The following NUP214 variants were observed in gnomAD, a reference collection of about 807,000 sequenced individuals.
NUP214 encodes nuclear pore complex protein Nup214.
NUP214 carries 79 observed loss-of-function variants against 196.2 expected under a neutral mutation model. That is an observed-to-expected ratio of 0.40 (90% confidence interval 0.34 to 0.49). The LOEUF is 0.49. Ranked by LOEUF, NUP214 falls within the 20% of genes least tolerant of loss-of-function variation. NUP214 has a pLI of 0.58. For missense variants in NUP214, 2,468 were observed against 2,539.0 expected, an observed-to-expected ratio of 0.97 and a Z score of 0.60; for synonymous variants, 1,020 against 990.5, an observed-to-expected ratio of 1.03 and a Z score of -0.56.
At position 131,176,051 on chromosome 9, in the gene NUP214, C is replaced by T. The variant is rs530440641; in HGVS notation, c.3319+430C>T. 5.9e-5 allele frequency among the ~76,000 whole-genome samples: 9 copies of T among 152,222 alleles called. No homozygotes were observed. In the East Asian group the frequency reaches 1.7e-3, roughly 29 times the overall value. Reference sequence around the variant, plus strand: ...TGGCTATTTTGGCTGGGCATAGTGACTCATGCCTGTAATCCCAGCACTTTG... The same window carrying T: ...TGGCTATTTTGGCTGGGCATAGTGATTCATGCCTGTAATCCCAGCACTTTG... On this transcript the variant is annotated intron_variant, in intron 23 of 35. Transcript: ENST00000359428.
intron 27 of NUP214, 158 bp downstream of exon 27, chr9:131,192,450 T>C: frequency 2.2e-6 from 1 of 463,994 alleles, no homozygotes; most frequent in Non-Finnish European, 3.8e-6. Flanking sequence ...AGTTTAATGT[T>C]CTCATGTAAA....
chr9:131,201,556 T>G (rs1467692393), intron 29 of NUP214, 91 bp from the exon 30 acceptor site: 2 of 974,038 alleles, frequency 2.1e-6, no homozygotes, highest in Non-Finnish European at 3.1e-6. Flanking sequence ...AGAGCGAGAC[T>G]CTGCCTCAAA....
At chr9:131,143,570 A>G (rs1025094622) in intron 11 of NUP214, among the ~76,000 whole-genome samples, 1 of 152,166 alleles carries the variant, frequency 6.6e-6, no homozygotes, top group African/African-American at 2.4e-5. Context: ...GGACAAATTA[A>G]AAATGTACCT....
At chr9:131,183,657 T>C (rs1833355096) in intron 24 of NUP214, among the ~76,000 whole-genome samples, 2 of 152,190 alleles carry the variant, frequency 1.3e-5, no homozygotes, top group African/African-American at 4.8e-5. Context: ...TTTTTTTCTT[T>C]CACTGATTTA....
chr9:131,139,157 C>A, intron 9 of NUP214, 124 bp from the exon 10 acceptor site: 2 of 1,147,472 alleles, frequency 1.7e-6, no homozygotes, highest in Non-Finnish European at 1.1e-6. Context: ...TGAGTCTAAA[C>A]CAAGTGAGTC....
chr9:131,228,246 G>T lies in NUP214; in HGVS notation c.5989G>T (p.Ala1997Ser), dbSNP rs1834777578. The T allele has an allele frequency of 6.2e-7, 1 of 1,605,520 alleles. No homozygotes were observed. The highest frequency in any genetic ancestry group is 1.1e-5 in the South Asian group (1 of 89,916). ...TGGAGGGGTGCCAGCATTCGGTTCA[G>T]CCCCAGCCTTTACAAGCCCTCTGGG... is the stretch of plus-strand genomic sequence containing the variant. ...GFGGVPAFGS[A>S]PAFTSPLGST... The change falls in exon 33 of 36, where the codon GCC becomes TCC. Residue 1997 changes from alanine (A) to serine (S), a missense_variant. Coordinates refer to ENST00000359428, the MANE Select transcript of NUP214 (RefSeq NM_005085.4).
chr9:131,229,664 T>A (rs1376347509), intron 33 of NUP214: 1 of 508,694 alleles, frequency 2.0e-6, no homozygotes, highest in Non-Finnish European at 3.9e-6. Flanking sequence ...TTCTTCCAGG[T>A]CCCTGGCCAT....
chr9:131,226,901 T>C (rs1371245194), intron 32 of NUP214, among the ~76,000 whole-genome samples: 1 of 152,214 alleles, frequency 6.6e-6, no homozygotes, highest in East Asian at 1.9e-4. Context: ...TGTGATTACA[T>C]AAACAATAAG....
rs1198508423 is a variant in NUP214, at chr9:131,198,519, G to C, written c.5025G>C (p.Gly1675=). The C allele has an allele frequency of 6.2e-7, 1 of 1,614,100 alleles. No individual in the cohort carries two copies. The highest frequency in any genetic ancestry group is 1.3e-5 in the African/African-American group (1 of 74,936). ...CCCCCTCTGCCACGCCCGTGTTTGGGCAAGTGGCAGCCAGCACCGCACCAA... is the reference window on the plus strand; with the variant it reads ...CCCCCTCTGCCACGCCCGTGTTTGGCCAAGTGGCAGCCAGCACCGCACCAA... ...ATAPSATPVF[G]QVAASTAPSL... is the part of the protein sequence containing the mutation. The change falls in exon 29 of 36, where the codon GGG becomes GGC. Residue 1675 remains glycine, a synonymous_variant. Coordinates refer to ENST00000359428, the MANE Select transcript of NUP214 (RefSeq NM_005085.4).
At chr9:131,137,938 C>T (rs1438007025) in intron 9 of NUP214, among the ~76,000 whole-genome samples, 3 of 152,152 alleles carry the variant, frequency 2.0e-5, no homozygotes, top group Non-Finnish European at 4.4e-5. Flanking sequence ...TTGTTATCTG[C>T]GTCTTCTCTT....
Position 131,155,289 on chromosome 9 carries a change from T to C in NUP214, c.2436+3395T>C, listed in dbSNP as rs546536847. Among the ~76,000 whole-genome samples the C allele has an allele frequency of 3.9e-5, 6 of 152,374 alleles. No individual in the cohort carries two copies. In the East Asian group the frequency reaches 1.2e-3, roughly 29 times the overall value. On this transcript the variant is annotated intron_variant, in intron 17 of 35. Coordinates refer to ENST00000359428, the MANE Select transcript of NUP214 (RefSeq NM_005085.4). ...GATGTTTGTCAACCATTTGTATATC[T>C]TTTAAGAATTGTCTGTTCATGTCCT...
intron 24 of NUP214, among the ~76,000 whole-genome samples, chr9:131,181,143 T>C (rs1399510799): frequency 6.6e-6 from 1 of 151,974 alleles, no homozygotes; most frequent in East Asian, 1.9e-4. Context: ...GACCTTTGAA[T>C]GAAGAGAGAA....
At chr9:131,206,904 T>A (rs910880981) in intron 30 of NUP214, among the ~76,000 whole-genome samples, 6 of 152,250 alleles carry the variant, frequency 3.9e-5, no homozygotes, top group African/African-American at 1.4e-4. Flanking sequence ...ACGGAAATTA[T>A]GTATGCAATT....
intron 19 of NUP214, among the ~76,000 whole-genome samples, chr9:131,163,657 G>A (rs773199806): frequency 6.6e-6 from 1 of 152,068 alleles, no homozygotes; most frequent in African/African-American, 2.4e-5. Context: ...TTCTACTGAG[G>A]CACCATCATG....
intron 4 of NUP214, among the ~76,000 whole-genome samples, chr9:131,130,382 T>C (rs1056111493): frequency 6.6e-6 from 1 of 151,884 alleles, no homozygotes; most frequent in Non-Finnish European, 1.5e-5. Context: ...TGACCTCAAG[T>C]GATCCGTCCG....
chr9:131,192,406 CCGTGGCAGTAAT>C, intron 27 of NUP214, 114 bp downstream of exon 27: 2 of 612,168 alleles, frequency 3.3e-6, no homozygotes, highest in African/African-American at 1.9e-5. Flanking sequence ...AGAGTTCTTA[CCGTGGCAGTAAT>C]ACATGTGATG....
At chr9:131,223,727 A>ATTTATTTATTTATTTATTTTT in intron 32 of NUP214, among the ~76,000 whole-genome samples, 2 of 15,662 alleles carry the variant, frequency 1.3e-4, no homozygotes, top group African/African-American at 3.0e-4. Context: ...TTATTTATTT[A>ATTTATTTATTTATTTATTTTT]TTTTTTTTTT....
At chr9:131,188,031 T>C (rs1833501763) in intron 25 of NUP214, among the ~76,000 whole-genome samples, 1 of 152,240 alleles carries the variant, frequency 6.6e-6, no homozygotes, top group South Asian at 2.1e-4. Flanking sequence ...TGTTTAGATA[T>C]GTCTCACTGG....
chr9:131,183,952 C>G (rs181302611), intron 24 of NUP214, among the ~76,000 whole-genome samples: 4 of 150,090 alleles, frequency 2.7e-5, no homozygotes, highest in Non-Finnish European at 3.0e-5. Flanking sequence ...GAAATGTAAT[C>G]GTTTACATTT....
Sources: gnomAD v4.1 joint callset for allele counts (sites outside exome capture counted in the v4.1 genomes callset) on GRCh38, gnomAD v4.1.1 for gene constraint, MANE v1.5 for transcripts, NCBI Gene and HGNC (gene_info 2026-07-23, HGNC 2026-07-21) for gene names.